SPDYE3: variants seen among roughly 807,000 people sequenced by gnomAD.
SPDYE3 encodes speedy protein E3.
A neutral mutation model predicts 55.0 loss-of-function variants in SPDYE3; 15 were observed. That is an observed-to-expected ratio of 0.27 (90% CI 0.18 to 0.42). The LOEUF (loss-of-function observed/expected upper bound fraction) is 0.42, where lower values mean the gene tolerates loss of function less well. Ranked by LOEUF, SPDYE3 falls within the 10% of genes least tolerant of loss-of-function variation. The probability of loss-of-function intolerance (pLI) is 1.00; values close to 1 mark genes in which losing one functional copy is unlikely to be tolerated. For synonymous variants in SPDYE3, 89 were observed against 229.9 expected, an observed-to-expected ratio of 0.39 and a Z score of 5.55; for missense variants, 236 against 576.7, an observed-to-expected ratio of 0.41 and a Z score of 6.05.
In SPDYE3 at chr7:100,307,757, C is replaced by A. The variant is rs1805855291; in HGVS notation, c.-129C>A. The A allele has an allele frequency of 1.4e-6, 2 of 1,412,800 alleles. No homozygotes were observed. Among genetic ancestry groups the A allele is most frequent in the Non-Finnish European group, 1.9e-6 (2 of 1,067,458 alleles). The allele number at this position is 1,412,800 out of a possible 1,614,324, so 87.5% of individuals were successfully genotyped here. ...AACAGTAACTTCTCAGAGCTGTTCTCCACTCCTGACTTCTCCCAGCCTCGA... is the reference window on the plus strand; with the variant it reads ...AACAGTAACTTCTCAGAGCTGTTCTACACTCCTGACTTCTCCCAGCCTCGA... On this transcript the variant is annotated 5_prime_UTR_variant, in exon 1 of 11. Coordinates refer to ENST00000332397, the MANE Select transcript of SPDYE3 (RefSeq NM_001004351.5).
intron 8 of SPDYE3, among the ~76,000 whole-genome samples, chr7:100,318,492 C>G (rs988319543): frequency 1.3e-5 from 2 of 152,162 alleles, no homozygotes; most frequent in African/African-American, 4.8e-5. Context: ...GTCTGGGTGT[C>G]CCACACACAT....
chr7:100,313,886 C>CAAA (rs60811202), intron 5 of SPDYE3, among the ~76,000 whole-genome samples: 4 of 10,646 alleles, frequency 3.8e-4, no homozygotes, highest in African/African-American at 1.1e-3. Flanking sequence ...GACGCTGTCT[C>CAAA]AAAAAAAAAA....
At position 100,319,949 on chromosome 7, in the gene SPDYE3, G is replaced by A; in HGVS notation, c.1609G>A (p.Glu537Lys). Residue 537 changes from glutamate (E) to lysine (K), a missense_variant, in exon 10 of 11, where the codon GAG (glutamate) becomes AAG (lysine). Coordinates refer to ENST00000332397, the MANE Select transcript of SPDYE3 (RefSeq NM_001004351.5). ...ELEEIQAYDP[E>K]HWVWARDRAH... ...TTTCCAGATCCAGGCTTATGACCCA[G>A]AGCACTGGGTGTGGGCGCGAGATCG... 1 of 1,612,102 alleles carries A rather than the reference G, an allele frequency of 6.2e-7. No homozygotes were observed.
intron 8 of SPDYE3, among the ~76,000 whole-genome samples, chr7:100,317,814 A>T (rs1282241672): frequency 4.0e-5 from 6 of 150,712 alleles, no homozygotes; most frequent in Admixed American, 6.6e-5. Flanking sequence ...AAAAAAAAAA[A>T]AAATACAAAA....
At chr7:100,317,820 CA>C (rs1806142389) in intron 8 of SPDYE3, among the ~76,000 whole-genome samples, 1 of 145,276 alleles carries the variant, frequency 6.9e-6, no homozygotes. Flanking sequence ...AAAAAAAATA[CA>C]AAAAATTAGC....
At chr7:100,317,270 A>G in intron 8 of SPDYE3, 115 bp downstream of exon 8, 1 of 1,384,404 alleles carries the variant, frequency 7.2e-7, no homozygotes, top group Non-Finnish European at 1.0e-6. Flanking sequence ...TACTCTGTGT[A>G]CAAAAAAGAC....
intron 8 of SPDYE3, among the ~76,000 whole-genome samples, chr7:100,319,113 G>A (rs1789513273): frequency 1.3e-5 from 2 of 152,024 alleles, no homozygotes; most frequent in Admixed American, 1.3e-4. Context: ...GTTTCTCTGT[G>A]TTGGCCAGGC....
chr7:100,314,966 T>C (rs1806062554), intron 6 of SPDYE3, among the ~76,000 whole-genome samples: 1 of 144,752 alleles, frequency 6.9e-6, no homozygotes, highest in Admixed American at 6.9e-5. Flanking sequence ...GAAAGCTTGG[T>C]TTTGGGCCAG....
chr7:100,319,915 G>A lies in SPDYE3; in HGVS notation c.1591-16G>A, dbSNP rs772992715. The A allele has an allele frequency of 8.1e-6, 13 of 1,612,730 alleles. No homozygotes were observed. The highest frequency in any genetic ancestry group is 2.7e-5 in the African/African-American group (2 of 74,894). ...TGGGGAGTCCCCGTCTTCTCAAAGC[G>A]CATTTGTTTTTCCAGATCCAGGCTT... is the stretch of plus-strand genomic sequence containing the variant. On this transcript the variant is annotated splice_polypyrimidine_tract_variant and intron_variant, in intron 9 of 10. Coordinates refer to ENST00000332397, the MANE Select transcript of SPDYE3 (RefSeq NM_001004351.5).
chr7:100,316,409 C>T (rs1806107226), intron 7 of SPDYE3, among the ~76,000 whole-genome samples: 1 of 152,172 alleles, frequency 6.6e-6, no homozygotes, highest in African/African-American at 2.4e-5. Context: ...CTTTCCTTAG[C>T]CTCCTGAGGA....
rs1033816924 is a variant in SPDYE3, at chr7:100,319,589, G to C, written c.1371G>C (p.Glu457Asp). 17 of 1,614,076 alleles carry C rather than the reference G, an allele frequency of 1.1e-5. No individual in the cohort carries two copies. Among genetic ancestry groups the C allele is most frequent in the African/African-American group, 4.0e-5 (3 of 74,924 alleles). Residue 457 changes from glutamate to aspartate, a missense_variant, in exon 9 of 11, where the codon GAG (glutamate) becomes GAC (aspartate). Coordinates refer to ENST00000332397, the MANE Select transcript of SPDYE3 (RefSeq NM_001004351.5). ...LALYLANDME[E>D]DDEAPKQKIF... Reference sequence around the variant, plus strand: ...GCTATCTGGCCAATGACATGGAGGAGGACGACGAGGCCCCCAAACAAAAGA... The same window carrying C: ...GCTATCTGGCCAATGACATGGAGGACGACGACGAGGCCCCCAAACAAAAGA...
At chr7:100,313,026 G>A in intron 4 of SPDYE3, 114 bp from the exon 5 acceptor site, 2 of 558,202 alleles carry the variant, frequency 3.6e-6, no homozygotes, top group Non-Finnish European at 6.5e-6. Flanking sequence ...GTGGCTTGGA[G>A]AAGCCAGCAG....
rs1402069552 is a variant in SPDYE3, at chr7:100,321,805, A to G, written c.*960A>G. 6.8e-6 allele frequency: 1 copy of G among 148,120 alleles called. No homozygotes were observed. Among genetic ancestry groups the G allele is most frequent in the Non-Finnish European group, 1.5e-5 (1 of 67,200 alleles). The allele number at this position is 148,120 out of a possible 1,614,324, so 9.2% of individuals were successfully genotyped here. ...AAAAGATGGGCAAAGAATTATTTAA[A>G]TATTATTTTATTTATTTAAATATTT... On this transcript the variant is annotated 3_prime_UTR_variant, in exon 11 of 11. Transcript: ENST00000332397.
At position 100,321,978 on chromosome 7, in the gene SPDYE3, C is replaced by T. The variant is rs955597353; in HGVS notation, c.*1133C>T. The T allele has an allele frequency of 1.3e-5, 2 of 150,950 alleles. No individual in the cohort carries two copies. Among genetic ancestry groups the T allele is most frequent in the African/African-American group, 4.9e-5 (2 of 41,168 alleles). The allele number at this position is 150,950 out of a possible 1,614,324, so 9.4% of individuals were successfully genotyped here. On this transcript the variant is annotated 3_prime_UTR_variant, in exon 11 of 11. Coordinates refer to ENST00000332397, the MANE Select transcript of SPDYE3 (RefSeq NM_001004351.5). ...TAAAGCTGTGTGATGGGTATTATAA[C>T]TGTTATATACACATAAATATAATTT...
rs763028059 is a variant in SPDYE3 at position 100,307,931 on chromosome 7, C to A, written c.46C>A (p.Arg16=). 3 of 1,583,330 alleles carry A rather than the reference C, an allele frequency of 1.9e-6. No homozygotes were observed. The highest frequency in any genetic ancestry group is 2.6e-6 in the Non-Finnish European group (3 of 1,173,130). The change falls in exon 1 of 11, where the codon CGG becomes AGG. Residue 16 remains arginine, a synonymous_variant. Transcript: ENST00000332397. ...GCCCCAGGAAGAGCAGAGCCCCCAG[C>A]GGAGCACCTCAGGGTACCCCCTCCA... ...PQPQEEQSPQ[R]STSGYPLQEV... is the part of the protein sequence containing the mutation.
At position 100,315,819 on chromosome 7, in the gene SPDYE3, C is replaced by G; in HGVS notation, c.1236C>G (p.Asp412Glu). Residue 412 changes from aspartate to glutamate, a missense_variant, in exon 7 of 11, where the codon GAC becomes GAG. Physicochemically the swap from Asp to Glu is conservative, Grantham distance 45 (BLOSUM62 2). Coordinates refer to ENST00000332397, the MANE Select transcript of SPDYE3 (RefSeq NM_001004351.5). The part of the protein sequence containing the change: ...DPVIKRFLAW[D>E]KDLRVSDKYL... ...TCATTAAAAGATTCCTGGCCTGGGACAAAGATCTGAGGGTGTCAGACAAGG... is the reference window on the plus strand; with the variant it reads ...TCATTAAAAGATTCCTGGCCTGGGAGAAAGATCTGAGGGTGTCAGACAAGG... 6.2e-7 allele frequency: 1 copy of G among 1,600,234 alleles called. No homozygotes were observed. The highest frequency in any genetic ancestry group is 1.1e-5 in the South Asian group (1 of 90,994).
chr7:100,315,695 C>T (rs1806086380), intron 6 of SPDYE3, 90 bp from the exon 7 acceptor site: 6 of 1,589,080 alleles, frequency 3.8e-6, no homozygotes, highest in Non-Finnish European at 5.1e-6. Flanking sequence ...TGAGACTTTC[C>T]CCCGGGAGGC....
At position 100,321,871 on chromosome 7, in the gene SPDYE3, T is replaced by A. The variant is rs1005266041; in HGVS notation, c.*1026T>A. ...TTATTTAAATATTTATTAAATATAT[T>A]TATTTATTTAAATGTTATTACTTTA... On this transcript the variant is annotated 3_prime_UTR_variant, in exon 11 of 11. Transcript: ENST00000332397. 13 of 146,344 alleles carry A rather than the reference T, an allele frequency of 8.9e-5. No individual in the cohort carries two copies. Among genetic ancestry groups the A allele is most frequent in the East Asian group, 2.1e-4 (1 of 4,788 alleles). 9.1% of individuals were successfully genotyped at this position (146,344 alleles called of 1,614,324 possible). A position where few individuals can be genotyped will look rare whatever the true frequency, so the allele number is the denominator to read the frequency against.
rs562496684 is a variant in SPDYE3 at position 100,317,268 on chromosome 7, G to A, written c.1346+113G>A. Reference sequence around the variant, plus strand: ...CACCTATTTGTCCTCTTTACTCTGTGTACAAAAAAGACAGGATTATAGTAT... The same window carrying A: ...CACCTATTTGTCCTCTTTACTCTGTATACAAAAAAGACAGGATTATAGTAT... On this transcript the variant is annotated intron_variant, in intron 8 of 10. Transcript: ENST00000332397. 9.1e-5 allele frequency: 124 copies of A among 1,366,852 alleles called. 1 individual carries two copies. The South Asian group carries it at 1.0e-3, about 12-fold the overall frequency. 84.7% of individuals were successfully genotyped at this position (1,366,852 alleles called of 1,614,324 possible).
Sources: gnomAD v4.1 joint callset for allele counts (sites outside exome capture counted in the v4.1 genomes callset) on GRCh38, gnomAD v4.1.1 for gene constraint, MANE v1.5 for transcripts, NCBI Gene and HGNC (gene_info 2026-07-23, HGNC 2026-07-21) for gene names.